Variants in PTPRN2 observed in about 807,000 individuals in gnomAD.
PTPRN2 encodes the protein receptor-type tyrosine-protein phosphatase N2.
PTPRN2 carries 74 observed loss-of-function variants against 118.8 expected under a neutral mutation model. The ratio of observed to expected loss-of-function variants is 0.62; its 90% confidence interval spans 0.52 to 0.76. The LOEUF (loss-of-function observed/expected upper bound fraction) is 0.76. PTPRN2 is among the 30% of genes least tolerant of loss of function. The pLI, the probability that PTPRN2 is intolerant of heterozygous loss-of-function variation, is 0.00. For missense variants in PTPRN2, 1,481 were observed against 1,394.4 expected, an observed-to-expected ratio of 1.06 and a Z score of -0.99; for synonymous variants, 641 against 608.0, an observed-to-expected ratio of 1.05 and a Z score of -0.80.
intron 2 of PTPRN2, among the ~76,000 whole-genome samples, chr7:158,409,886 AAAT>A (rs1168227646): frequency 3.9e-5 from 6 of 152,242 alleles, no homozygotes; most frequent in Non-Finnish European, 8.8e-5. Flanking sequence ...TGGCTTTAAA[AAAT>A]AATAATAAAG....
intron 2 of PTPRN2, among the ~76,000 whole-genome samples, chr7:158,386,695 C>T (rs1309613921): frequency 1.3e-5 from 2 of 152,192 alleles, no homozygotes; most frequent in African/African-American, 4.8e-5. Context: ...CCACCATCAC[C>T]AAATGTAGAT....
intron 6 of PTPRN2, among the ~76,000 whole-genome samples, chr7:158,155,554 C>CA: frequency 1.5e-5 from 2 of 133,958 alleles, no homozygotes; most frequent in Middle Eastern, 3.4e-3. Flanking sequence ...CCATCAACAC[C>CA]ATCATCATCA....
Position 157,585,091 on chromosome 7 carries a change from A to C in PTPRN2, c.2497-6951T>G, listed in dbSNP as rs193013083. Among the ~76,000 whole-genome samples the C allele has an allele frequency of 2.2e-3, 330 of 152,270 alleles. No individual in the cohort carries two copies. The highest frequency in any genetic ancestry group is 5.8e-3 in the Admixed American group (89 of 15,300). ...TCAGTGTGGGATTCATTTAGGGATGACACGATGAGGTGACGTAGCCCACAC... is the reference window on the plus strand; with the variant it reads ...TCAGTGTGGGATTCATTTAGGGATGCCACGATGAGGTGACGTAGCCCACAC... On this transcript the variant is annotated intron_variant, in intron 17 of 22. Coordinates refer to ENST00000389418, the MANE Select transcript of PTPRN2 (RefSeq NM_002847.5). This position sits in a 1 kb window ranked among gnomAD's most constrained non-coding sequence, Gnocchi z 5.2.
intron 1 of PTPRN2, among the ~76,000 whole-genome samples, chr7:158,554,923 G>C (rs536920919): frequency 6.6e-6 from 1 of 152,210 alleles, no homozygotes; most frequent in East Asian, 1.9e-4. Context: ...CACCTCCCCA[G>C]CATCCTCCCA....
chr7:157,608,660 C>T (rs994334586), intron 15 of PTPRN2, among the ~76,000 whole-genome samples: 5 of 152,178 alleles, frequency 3.3e-5, no homozygotes, highest in African/African-American at 1.2e-4. Flanking sequence ...GAGGGGTCTT[C>T]GTGTTCTATG....
At chr7:158,500,582 C>G (rs1261299232) in intron 1 of PTPRN2, among the ~76,000 whole-genome samples, 2 of 152,250 alleles carry the variant, frequency 1.3e-5, no homozygotes, top group Non-Finnish European at 2.9e-5. Flanking sequence ...ACACTCTTCT[C>G]TGTGGAACTC....
At chr7:158,139,013 C>T (rs1269868396) in intron 6 of PTPRN2, among the ~76,000 whole-genome samples, 1 of 152,074 alleles carries the variant, frequency 6.6e-6, no homozygotes, top group Non-Finnish European at 1.5e-5. Flanking sequence ...CATGGACCAA[C>T]TCTAATTACA....
chr7:157,561,900 C>T (rs1333605934), intron 21 of PTPRN2, among the ~76,000 whole-genome samples: 3 of 152,242 alleles, frequency 2.0e-5, no homozygotes, highest in African/African-American at 4.8e-5. Context: ...AAACCAGCAT[C>T]AGCGTGGATC....
intron 2 of PTPRN2, among the ~76,000 whole-genome samples, chr7:158,396,235 G>A (rs1275643276): frequency 4.6e-5 from 7 of 152,180 alleles, no homozygotes; most frequent in Admixed American, 3.9e-4. Flanking sequence ...AAGGCCTTTT[G>A]AGCATTTTCA....
At chr7:157,927,921 G>A (rs1246289568) in intron 11 of PTPRN2, among the ~76,000 whole-genome samples, 1 of 152,126 alleles carries the variant, frequency 6.6e-6, no homozygotes, top group East Asian at 1.9e-4. Context: ...GAAGAGAGGT[G>A]CACATCACTA....
intron 11 of PTPRN2, among the ~76,000 whole-genome samples, chr7:157,914,869 C>T (rs575138342): frequency 2.0e-4 from 31 of 151,944 alleles, no homozygotes; most frequent in Admixed American, 1.0e-3. Context: ...CTGTGGGCTG[C>T]GTTTTAGAAA....
Position 157,831,707 on chromosome 7 carries a change from G to A in PTPRN2, c.1788+66966C>T, listed in dbSNP as rs944582101. ...CCCCTCTACTTCGGGCCTGCGAGAA[G>A]CAGGGAAGGTATAGGCTGCCGTCTC... On this transcript the variant is annotated intron_variant, in intron 12 of 22. Coordinates refer to ENST00000389418, the MANE Select transcript of PTPRN2 (RefSeq NM_002847.5). This position sits in a 1 kb window ranked among gnomAD's most constrained non-coding sequence, Gnocchi z 4.8. 6.6e-6 allele frequency among the ~76,000 whole-genome samples: 1 copy of A among 152,236 alleles called. No individual in the cohort carries two copies. Among genetic ancestry groups the A allele is most frequent in the Non-Finnish European group, 1.5e-5 (1 of 68,042 alleles).
At chr7:158,046,914 T>G (rs146871215) in intron 11 of PTPRN2, among the ~76,000 whole-genome samples, 1 of 152,336 alleles carries the variant, frequency 6.6e-6, no homozygotes, top group Non-Finnish European at 1.5e-5. Context: ...AAAGTCCATC[T>G]AAATCCATCC....
intron 2 of PTPRN2, among the ~76,000 whole-genome samples, chr7:158,350,976 A>T (rs1452197442): frequency 1.3e-5 from 2 of 152,196 alleles, no homozygotes. Flanking sequence ...TGGCCCATTC[A>T]GGTGCCAGTT....
At chr7:158,492,870 C>T (rs962866877) in intron 1 of PTPRN2, among the ~76,000 whole-genome samples, 22 of 152,246 alleles carry the variant, frequency 1.4e-4, no homozygotes, top group African/African-American at 4.8e-4. Context: ...GCTCCACACC[C>T]GCCATGTGGC....
intron 2 of PTPRN2, among the ~76,000 whole-genome samples, chr7:158,356,108 A>T (rs1258862642): frequency 1.3e-5 from 2 of 152,194 alleles, no homozygotes; most frequent in Non-Finnish European, 2.9e-5. Flanking sequence ...TCTTTATGGT[A>T]TTTAAGTAAA....
At chr7:158,392,352 G>A (rs577006747) in intron 2 of PTPRN2, among the ~76,000 whole-genome samples, 33 of 152,320 alleles carry the variant, frequency 2.2e-4, no homozygotes, top group Admixed American at 1.1e-3. Context: ...TCATGAGACC[G>A]TGGCTGAGCG....
At chr7:158,397,933 G>A (rs1300918837) in intron 2 of PTPRN2, among the ~76,000 whole-genome samples, 1 of 152,190 alleles carries the variant, frequency 6.6e-6, no homozygotes, top group Non-Finnish European at 1.5e-5. Context: ...AAATCGAGGT[G>A]TGCATGATAA....
intron 8 of PTPRN2, among the ~76,000 whole-genome samples, chr7:158,135,834 G>C (rs1303709026): frequency 2.0e-5 from 3 of 152,254 alleles, no homozygotes; most frequent in Admixed American, 6.5e-5. Flanking sequence ...AATCTGAGGA[G>C]AGAATGACTA....
Sources: gnomAD v4.1 joint callset for allele counts (sites outside exome capture counted in the v4.1 genomes callset) on GRCh38, gnomAD v4.1.1 for gene constraint, Gnocchi (gnomAD v3.1) non-coding constraint, MANE v1.5 for transcripts, NCBI Gene and HGNC (gene_info 2026-07-23, HGNC 2026-07-21) for gene names.